The following UNK variants were observed in gnomAD, a reference collection of about 807,000 sequenced individuals.
UNK encodes unk zinc finger, also known as RING finger protein unkempt homolog.
A neutral mutation model predicts 97.6 loss-of-function variants in UNK; 32 were observed. That is an observed-to-expected ratio of 0.33 (90% CI 0.25 to 0.44). The LOEUF is 0.44. Among genes scored for constraint, UNK ranks in the 20% least tolerant of loss-of-function variants. UNK has a pLI of 1.00. For synonymous variants in UNK, 441 were observed against 461.2 expected (o/e 0.96, Z 0.56); for missense variants, 771 against 1,098.4 (o/e 0.70, Z 4.21).
intron 13 of UNK, chr17:75,821,764 G>C: frequency 2.2e-6 from 1 of 455,996 alleles, no homozygotes; most frequent in Non-Finnish European, 4.4e-6. Context: ...CTGGGGGCCA[G>C]AGCAGGGGGA....
Position 75,816,898 on chromosome 17 carries a change from C to T in UNK, c.1090C>T (p.Pro364Ser), listed in dbSNP as rs747827054. The change falls in exon 8 of 16, where the codon CCT (proline) becomes TCT (serine). Residue 364 changes from proline (P) to serine (S), a missense_variant. By Grantham distance (74) the Pro-to-Ser change is moderately conservative. Coordinates refer to ENST00000589666, the MANE Select transcript of UNK (RefSeq NM_001080419.3). This position sits in a 1 kb window ranked among gnomAD's most constrained non-coding sequence, Gnocchi z 4.0. The part of the protein sequence containing the change: ...VPVSPSSPHA[P>S]DLSALLCRNS... ...TGTGAGCCCCTCCAGCCCGCATGCC[C>T]CTGACCTCAGTGCCGTACGTGTCCA... 6.9e-6 allele frequency: 11 copies of T among 1,604,290 alleles called. No homozygotes were observed. The Admixed American group carries it at 1.0e-4, about 15-fold the overall frequency.
intron 1 of UNK, among the ~76,000 whole-genome samples, chr17:75,797,857 C>T (rs1405008201): frequency 2.0e-5 from 3 of 152,112 alleles, no homozygotes; most frequent in Non-Finnish European, 2.9e-5. Context: ...CTGCATGTTC[C>T]GGGATTCATG....
chr17:75,802,546 G>A (rs941369330), intron 1 of UNK, among the ~76,000 whole-genome samples: 2 of 152,092 alleles, frequency 1.3e-5, no homozygotes, highest in Non-Finnish European at 2.9e-5. Context: ...ATGAGCCACT[G>A]CATGCAGCTA....
Position 75,824,473 on chromosome 17 carries a change from TATATATATATATATGA to T in UNK, c.*72_*87del. On this transcript the variant is annotated 3_prime_UTR_variant, in exon 16 of 16. Transcript: ENST00000589666. The surrounding 1 kb of genome is among the most constrained non-coding windows in gnomAD (Gnocchi z 4.9). Reference sequence around the variant, plus strand: ...TCTTCTCACCTAGGACTTTTTAAAGTATATATATATATATGAATATATATATATATGTGTATGTATG... The same window carrying T: ...TCTTCTCACCTAGGACTTTTTAAAGTATATATATATATATGTGTATGTATG... 2 of 844,206 alleles carry T rather than the reference TATATATATATATATGA, an allele frequency of 2.4e-6. No homozygotes were observed. Among genetic ancestry groups the T allele is most frequent in the Non-Finnish European group, 3.0e-6 (2 of 662,844 alleles). The allele number at this position is 844,206 out of a possible 1,614,324, so 52.3% of individuals were successfully genotyped here. A position where few individuals can be genotyped will look rare whatever the true frequency, so the allele number is the denominator to read the frequency against.
At chr17:75,792,356 T>C in intron 1 of UNK, 1 of 985,432 alleles carries the variant, frequency 1.0e-6, no homozygotes, top group Non-Finnish European at 1.2e-6. Context: ...TCCGTATGCA[T>C]CTTCTCTGTT....
chr17:75,823,486 G>A lies in UNK; in HGVS notation c.2241G>A (p.Gln747=), dbSNP rs2062089071. 8 of 1,570,566 alleles carry A rather than the reference G, an allele frequency of 5.1e-6. No homozygotes were observed. The highest frequency in any genetic ancestry group is 6.9e-6 in the Non-Finnish European group (8 of 1,152,552). The change falls in exon 15 of 16, where the codon CAG becomes CAA. Residue 747 remains glutamine (Q), a synonymous_variant. Transcript: ENST00000589666. ...ALSLSTLYSL[Q]KQLRAHLEQV... ...CACTCTCCACCCTCTACTCCCTCCAGAAACAACTGCGGGCCCACCTGGAAC... is the reference window on the plus strand; with the variant it reads ...CACTCTCCACCCTCTACTCCCTCCAAAAACAACTGCGGGCCCACCTGGAAC...
rs1216932547 is a variant in UNK, at chr17:75,817,554, G to A, written c.1305+28G>A. ...AAGGGATGAGGGAGGCAGCAGTGAGGTTAGCCTTCTCCTGCGTGGGGCAAG... is the reference window on the plus strand; with the variant it reads ...AAGGGATGAGGGAGGCAGCAGTGAGATTAGCCTTCTCCTGCGTGGGGCAAG... On this transcript the variant is annotated intron_variant, in intron 9 of 15. Transcript: ENST00000589666. The surrounding 1 kb of genome is among the most constrained non-coding windows in gnomAD (Gnocchi z 5.8). The A allele has an allele frequency of 4.4e-6, 7 of 1,573,652 alleles. No homozygotes were observed. The highest frequency in any genetic ancestry group is 5.2e-6 in the Non-Finnish European group (6 of 1,156,802).
Position 75,816,765 on chromosome 17 carries a change from T to C in UNK, c.962-5T>C. 6.3e-7 allele frequency: 1 copy of C among 1,598,780 alleles called. No homozygotes were observed. On this transcript the variant is annotated splice_region_variant and splice_polypyrimidine_tract_variant and intron_variant, in intron 7 of 15. Coordinates refer to ENST00000589666, the MANE Select transcript of UNK (RefSeq NM_001080419.3). The surrounding 1 kb of genome is among the most constrained non-coding windows in gnomAD (Gnocchi z 4.0). ...CCTGCTGACCCCTGCCCCTGACTCT[T>C]GCAGAGCCACCCCTGAGTGACGACC...
In UNK at chr17:75,824,718, C is replaced by T. The variant is rs959396554; in HGVS notation, c.*301C>T. 1 of 157,584 alleles carries T rather than the reference C, an allele frequency of 6.3e-6. No homozygotes were observed. Among genetic ancestry groups the T allele is most frequent in the African/African-American group, 2.4e-5 (1 of 41,602 alleles). The allele number at this position is 157,584 out of a possible 1,614,324, so 9.8% of individuals were successfully genotyped here. A position where few individuals can be genotyped will look rare whatever the true frequency, so the allele number is the denominator to read the frequency against. On this transcript the variant is annotated 3_prime_UTR_variant, in exon 16 of 16. Coordinates refer to ENST00000589666, the MANE Select transcript of UNK (RefSeq NM_001080419.3). The surrounding 1 kb of genome is among the most constrained non-coding windows in gnomAD (Gnocchi z 4.9). ...TTTTGCAGTCCTCCCCTACCCACTC[C>T]CTGCCCTTCCCACTGCAGAGATGAC...
intron 2 of UNK, among the ~76,000 whole-genome samples, chr17:75,811,200 C>T (rs142204499): frequency 3.1e-4 from 47 of 152,336 alleles, no homozygotes; most frequent in Admixed American, 8.5e-4. Context: ...ATCCACCCGC[C>T]TCGGCCTCCC....
At chr17:75,786,722 T>C (rs1333774967) in intron 1 of UNK, among the ~76,000 whole-genome samples, 1 of 152,154 alleles carries the variant, frequency 6.6e-6, no homozygotes, top group African/African-American at 2.4e-5. Flanking sequence ...CTGGGTGTGC[T>C]GGCGGGCGCC....
rs1243803918 is a variant in UNK at position 75,817,692 on chromosome 17, G to C, written c.1305+166G>C. Among the ~76,000 whole-genome samples the C allele has an allele frequency of 1.3e-5, 2 of 152,166 alleles. No homozygotes were observed. Among genetic ancestry groups the C allele is most frequent in the Non-Finnish European group, 2.9e-5 (2 of 68,022 alleles). ...CAGAGGGAGCAGTGTCAGCCCATTT[G>C]CAGCTGAAGACAGGAAGGCTGGGGA... On this transcript the variant is annotated intron_variant, in intron 9 of 15. Transcript: ENST00000589666. This position sits in a 1 kb window ranked among gnomAD's most constrained non-coding sequence, Gnocchi z 5.8.
At chr17:75,805,557 G>A (rs1223291281) in intron 1 of UNK, among the ~76,000 whole-genome samples, 1 of 152,028 alleles carries the variant, frequency 6.6e-6, no homozygotes, top group Non-Finnish European at 1.5e-5. Flanking sequence ...CACTTTGGGA[G>A]GTCAAAGCAG....
At chr17:75,810,052 G>A (rs1292539642) in intron 2 of UNK, 83 bp downstream of exon 2, 1 of 1,533,748 alleles carries the variant, frequency 6.5e-7, no homozygotes, top group East Asian at 2.3e-5. Context: ...GCAGATTCTG[G>A]GAAGCCATCC....
chr17:75,813,912 G>A (rs1222197606), intron 6 of UNK, 34 bp downstream of exon 6: 2 of 1,528,790 alleles, frequency 1.3e-6, no homozygotes, highest in Non-Finnish European at 1.8e-6. Flanking sequence ...GGGTGGCTTT[G>A]GGAAGTAAGG....
At chr17:75,798,065 TC>T in intron 1 of UNK, among the ~76,000 whole-genome samples, 1 of 147,642 alleles carries the variant, frequency 6.8e-6, no homozygotes, top group South Asian at 2.1e-4. Flanking sequence ...TGACCACAGC[TC>T]TTTTTTTTTT....
chr17:75,813,189 G>A lies in UNK; in HGVS notation c.734G>A (p.Arg245Gln), dbSNP rs1264339563. 1.3e-6 allele frequency: 2 copies of A among 1,588,242 alleles called. No homozygotes were observed. The highest frequency in any genetic ancestry group is 1.7e-6 in the Non-Finnish European group (2 of 1,168,028). The change falls in exon 5 of 16, where the codon CGG becomes CAG. Residue 245 changes from arginine (R) to glutamine (Q), a missense_variant. Arg to Gln is a conservative substitution (Grantham distance 43). Transcript: ENST00000589666. ...PYYHNSKDRR[R>Q]SPRKHKYRSS... ...TACCACAACAGCAAGGACCGGCGGC[G>A]GAGCCCCCGGAAGCACAAATACAGG...
chr17:75,821,952 A>G (rs2062073060), intron 13 of UNK: 1 of 338,028 alleles, frequency 3.0e-6, no homozygotes, highest in South Asian at 2.3e-5. Flanking sequence ...AAAACATTTT[A>G]TCCAGGGTCC....
chr17:75,822,801 C>T (rs1230661361), intron 14 of UNK, 143 bp downstream of exon 14: 3 of 1,110,686 alleles, frequency 2.7e-6, no homozygotes, highest in African/African-American at 3.2e-5. Flanking sequence ...GCTCGCTCTC[C>T]CCCTGGGAGG....
Sources: allele counts gnomAD v4.1 joint callset (sites outside exome capture counted in the v4.1 genomes callset), GRCh38; gene constraint gnomAD v4.1.1; non-coding constraint Gnocchi (gnomAD v3.1); transcripts MANE v1.5; gene names NCBI Gene and HGNC (gene_info 2026-07-23, HGNC 2026-07-21).